ARHGEF3: variants seen among roughly 807,000 people sequenced by gnomAD.
The protein encoded by ARHGEF3 is 59.8 kDA protein.
ARHGEF3 carries 28 observed loss-of-function variants against 63.2 expected under a neutral mutation model. That is an observed-to-expected ratio of 0.44 (90% CI 0.33 to 0.61). The LOEUF (loss-of-function observed/expected upper bound fraction) is 0.61, where lower values mean the gene tolerates loss of function less well. Ranked by LOEUF, ARHGEF3 falls within the 20% of genes least tolerant of loss-of-function variation. The pLI, the probability that ARHGEF3 is intolerant of heterozygous loss-of-function variation, is 0.03. For missense variants in ARHGEF3, 533 were observed against 659.3 expected, an observed-to-expected ratio of 0.81 and a Z score of 2.10; for synonymous variants, 266 against 254.2, an observed-to-expected ratio of 1.05 and a Z score of -0.44.
In ARHGEF3 at chr3:56,884,972, G is replaced by A. The variant is rs540990545; in HGVS notation, c.130-2618C>T. Among the ~76,000 whole-genome samples, 6 of 152,258 alleles carry A rather than the reference G, an allele frequency of 3.9e-5. No individual in the cohort carries two copies. The South Asian group carries it at 1.2e-3, about 32-fold the overall frequency. ...CTGAATCCAGGATTCTAATTCCTAG[G>A]GCAAAGCCTTTTACATACACTGTTC... On this transcript the variant is annotated intron_variant, in intron 3 of 12. Transcript: ENST00000338458.
intron 2 of ARHGEF3, among the ~76,000 whole-genome samples, chr3:56,756,071 C>T (rs2035050683): frequency 6.6e-6 from 1 of 152,178 alleles, no homozygotes; most frequent in South Asian, 2.1e-4. Flanking sequence ...TGATTCCTGT[C>T]CCTGAGGTAT....
chr3:56,866,376 A>G (rs1033824864), intron 4 of ARHGEF3, among the ~76,000 whole-genome samples: 9 of 152,176 alleles, frequency 5.9e-5, no homozygotes, highest in African/African-American at 2.2e-4. Context: ...TAAAAGGGAG[A>G]CTAAAGATGG....
intron 3 of ARHGEF3, among the ~76,000 whole-genome samples, chr3:56,922,146 C>T (rs1384516532): frequency 1.3e-5 from 2 of 152,194 alleles, no homozygotes; most frequent in East Asian, 3.9e-4. Context: ...GTTCTGCCTC[C>T]TTGACTAACA....
At chr3:56,849,411 G>C (rs762311696) in intron 4 of ARHGEF3, among the ~76,000 whole-genome samples, 4 of 152,186 alleles carry the variant, frequency 2.6e-5, no homozygotes, top group Non-Finnish European at 4.4e-5. Flanking sequence ...TTTTAGCAAT[G>C]TAAAGATACA....
intron 7 of ARHGEF3, among the ~76,000 whole-genome samples, chr3:56,738,634 A>G (rs899362413): frequency 6.6e-6 from 1 of 152,186 alleles, no homozygotes; most frequent in Non-Finnish European, 1.5e-5. Context: ...GAAGATTCCG[A>G]AGTGGTGGTG....
Position 56,773,738 on chromosome 3 carries a change from G to A in ARHGEF3, c.175C>T (p.Pro59Ser), listed in dbSNP as rs746058923. ...AGGGTTTGACTGAAGCGCTTTAATG[G>A]CGTGGCCTTCACGGGCGGGATGAGG... ...ANLIPPVKATPLKRFSQTLQR... is the reference protein window; with the variant it reads ...ANLIPPVKATSLKRFSQTLQR... Residue 59 changes from proline to serine, a missense_variant, in exon 2 of 10, where the codon CCA becomes TCA. Physicochemically the swap from Pro to Ser is moderately conservative, Grantham distance 74 (BLOSUM62 -1). Around this residue, in one of 4 missense-constraint regions of ARHGEF3, gnomAD observed 160 missense variants for 157.3 expected, o/e 1.02. Coordinates refer to ENST00000296315, the MANE Select transcript of ARHGEF3 (RefSeq NM_019555.3). 30 of 1,595,570 alleles carry A rather than the reference G, an allele frequency of 1.9e-5. No individual in the cohort carries two copies. The highest frequency in any genetic ancestry group is 2.4e-5 in the Non-Finnish European group (28 of 1,173,670).
At chr3:56,813,679 TCA>T (rs2108012092) in intron 4 of ARHGEF3, among the ~76,000 whole-genome samples, 1 of 152,352 alleles carries the variant, frequency 6.6e-6, no homozygotes, top group African/African-American at 2.4e-5. Context: ...GCATTTTGCT[TCA>T]GTTTCCTGTT....
chr3:56,894,264 A>G (rs2041222687), intron 3 of ARHGEF3, among the ~76,000 whole-genome samples: 2 of 152,214 alleles, frequency 1.3e-5, no homozygotes, highest in African/African-American at 4.8e-5. Context: ...CTGAGAACAG[A>G]CACTGCATCT....
intron 1 of ARHGEF3, among the ~76,000 whole-genome samples, chr3:57,063,720 AG>A (rs1705367184): frequency 1.3e-5 from 2 of 152,260 alleles, no homozygotes; most frequent in South Asian, 4.1e-4. Context: ...GCTGGTAGTC[AG>A]GAAGGATGGC....
At chr3:56,931,876 C>T (rs964241282) in intron 3 of ARHGEF3, among the ~76,000 whole-genome samples, 2 of 152,096 alleles carry the variant, frequency 1.3e-5, no homozygotes, top group Admixed American at 1.3e-4. Flanking sequence ...TGATTTTTTT[C>T]TTGGCTGAGT....
At chr3:56,913,234 T>C (rs1209829811) in intron 3 of ARHGEF3, among the ~76,000 whole-genome samples, 1 of 151,710 alleles carries the variant, frequency 6.6e-6, no homozygotes, top group African/African-American at 2.4e-5. Flanking sequence ...AATGGGATAA[T>C]ATATTTGCAT....
chr3:56,757,208 C>G (rs975142170), intron 2 of ARHGEF3, among the ~76,000 whole-genome samples: 1 of 152,200 alleles, frequency 6.6e-6, no homozygotes, highest in Non-Finnish European at 1.5e-5. Flanking sequence ...CACAGTGGCT[C>G]ACGCCTGTAA....
At chr3:57,041,704 C>A (rs1704192851) in intron 1 of ARHGEF3, among the ~76,000 whole-genome samples, 1 of 152,202 alleles carries the variant, frequency 6.6e-6, no homozygotes, top group African/African-American at 2.4e-5. Flanking sequence ...GCACTCACAG[C>A]TTTATAAACT....
chr3:56,919,295 G>C (rs1258609490), intron 3 of ARHGEF3, among the ~76,000 whole-genome samples: 4 of 152,184 alleles, frequency 2.6e-5, no homozygotes, highest in Non-Finnish European at 5.9e-5. Flanking sequence ...GGCTACATTT[G>C]GCCCAGGGGC....
intron 3 of ARHGEF3, among the ~76,000 whole-genome samples, chr3:56,947,983 A>T (rs1314349157): frequency 6.6e-6 from 1 of 152,184 alleles, no homozygotes; most frequent in Non-Finnish European, 1.5e-5. Context: ...CTCACTCAAA[A>T]CCGCTCAACT....
chr3:56,780,455 A>C (rs978722146), intron 1 of ARHGEF3, among the ~76,000 whole-genome samples: 1 of 152,220 alleles, frequency 6.6e-6, no homozygotes, highest in Non-Finnish European at 1.5e-5. Flanking sequence ...ACCACAGTAC[A>C]TTTATCAAAA....
chr3:56,992,968 G>C (rs1701824133), intron 2 of ARHGEF3, among the ~76,000 whole-genome samples: 1 of 152,152 alleles, frequency 6.6e-6, no homozygotes, highest in Admixed American at 6.5e-5. Flanking sequence ...CCAGTAGCTG[G>C]GATTACAGCT....
rs549275752 is a variant in ARHGEF3 at position 57,029,753 on chromosome 3, G to T, written c.62+5335C>A. ...TAGCAGACTGTGGGAATGCTGATGG[G>T]ATCTCCAAGAAGACACCTTAGAGAG... On this transcript the variant is annotated intron_variant, in intron 2 of 12. Coordinates refer to the ARHGEF3 transcript ENST00000338458. Among the ~76,000 whole-genome samples, 3 of 152,298 alleles carry T rather than the reference G, an allele frequency of 2.0e-5. No individual in the cohort carries two copies. The South Asian group carries it at 6.2e-4, about 32-fold the overall frequency.
chr3:57,058,803 T>C (rs201082804), intron 1 of ARHGEF3, among the ~76,000 whole-genome samples: 1 of 152,008 alleles, frequency 6.6e-6, no homozygotes, highest in East Asian at 1.9e-4. Flanking sequence ...CATGGAATAC[T>C]ATGCAGCCAT....
Sources: gnomAD v4.1 joint callset for allele counts (sites outside exome capture counted in the v4.1 genomes callset) on GRCh38, gnomAD v4.1.1 for gene constraint, gnomAD v4.1.1 regional missense constraint, MANE v1.5 for transcripts, NCBI Gene and HGNC (gene_info 2026-07-23, HGNC 2026-07-21) for gene names.